TPCN2: variants seen among roughly 807,000 people sequenced by gnomAD.
The protein encoded by TPCN2 is two pore channel protein 2.
TPCN2 carries 92 observed loss-of-function variants against 111.4 expected under a neutral mutation model. The observed-to-expected ratio is 0.83, with a 90% CI of 0.70 to 0.98. The LOEUF is 0.98. TPCN2 is among the 50% of genes least tolerant of loss of function. The pLI is 0.00. For missense variants in TPCN2, 995 were observed against 980.1 expected (o/e 1.02, Z -0.20); for synonymous variants, 405 against 414.5 (o/e 0.98, Z 0.28).
intron 18 of TPCN2, among the ~76,000 whole-genome samples, chr11:69,082,935 T>A (rs35908618): frequency 7.3e-6 from 1 of 136,292 alleles, no homozygotes; most frequent in Non-Finnish European, 1.6e-5. Context: ...CCGTGTAAGA[T>A]GCATGATCGT....
chr11:69,060,445 C>T (rs935674662), intron 5 of TPCN2, among the ~76,000 whole-genome samples: 14 of 152,116 alleles, frequency 9.2e-5, no homozygotes, highest in African/African-American at 1.7e-4. Flanking sequence ...GCCTTGTGGC[C>T]GAGTGGGTTG....
intron 5 of TPCN2, among the ~76,000 whole-genome samples, chr11:69,060,474 G>T (rs185075632): frequency 6.6e-6 from 1 of 152,178 alleles, no homozygotes; most frequent in Admixed American, 6.5e-5. Flanking sequence ...GGAGGCTGCC[G>T]GTCACTGTTG....
At position 69,054,809 on chromosome 11, in the gene TPCN2, C is replaced by T; in HGVS notation, c.251+12C>T. ...AACGTATGCCAACGGTGAGAACGCA[C>T]CCATGTGGAACTCAGGGTTCCTGCC... On this transcript the variant is annotated intron_variant, in intron 3 of 24. Transcript: ENST00000294309. The T allele has an allele frequency of 6.2e-7, 1 of 1,612,766 alleles. No homozygotes were observed. The highest frequency in any genetic ancestry group is 1.1e-5 in the South Asian group (1 of 90,902).
At chr11:69,068,003 C>T (rs1343859971) in intron 8 of TPCN2, among the ~76,000 whole-genome samples, 2 of 152,164 alleles carry the variant, frequency 1.3e-5, no homozygotes, top group African/African-American at 4.8e-5. Flanking sequence ...TGGAGCTCCA[C>T]ACATCCACGC....
At chr11:69,087,780 C>A in intron 24 of TPCN2, 95 bp from the exon 25 acceptor site, 1 of 939,194 alleles carries the variant, frequency 1.1e-6, no homozygotes, top group Non-Finnish European at 1.6e-6. Flanking sequence ...ACTCACTTCG[C>A]ATGTGTTGCT....
intron 8 of TPCN2, among the ~76,000 whole-genome samples, chr11:69,069,061 T>TA (rs569545404): frequency 1.1e-5 from 1 of 90,736 alleles, no homozygotes; most frequent in African/African-American, 3.8e-5. Flanking sequence ...CAGGACTGTC[T>TA]GAGTCCTAGG....
At chr11:69,080,062 C>T (rs918314370) in intron 17 of TPCN2, among the ~76,000 whole-genome samples, 179 bp downstream of exon 17, 2 of 152,194 alleles carry the variant, frequency 1.3e-5, no homozygotes, top group African/African-American at 4.8e-5. Flanking sequence ...CAGGGCCCTG[C>T]CGTCGCTCTG....
intron 13 of TPCN2, among the ~76,000 whole-genome samples, chr11:69,078,122 C>G (rs1319196190): frequency 6.6e-6 from 1 of 151,354 alleles, no homozygotes; most frequent in South Asian, 2.1e-4. Context: ...GTTTCTGTAG[C>G]TATGAGTATA....
Position 69,072,632 on chromosome 11 carries a change from G to A in TPCN2, c.1067G>A (p.Gly356Glu), listed in dbSNP as rs1855586506. 6.2e-7 allele frequency: 1 copy of A among 1,613,806 alleles called. No individual in the cohort carries two copies. Among genetic ancestry groups the A allele is most frequent in the Admixed American group, 1.7e-5 (1 of 60,006 alleles). ...GEGGAFPQAVGVKPQNLLQVL... is the reference protein window; with the variant it reads ...GEGGAFPQAVEVKPQNLLQVL... ...CTGTGGGTTTTTCCCTGCAGAGTTG[G>A]GGTGAAGCCCCAGAACTTGCTGCAG... The change falls in exon 12 of 25, where the codon GGG (glycine) becomes GAG (glutamate). Residue 356 changes from glycine to glutamate, a missense_variant. Gly to Glu is a moderately conservative substitution (Grantham distance 98). Transcript: ENST00000294309.
At chr11:69,050,629 C>T (rs527421006) in intron 1 of TPCN2, among the ~76,000 whole-genome samples, 65 of 152,344 alleles carry the variant, frequency 4.3e-4, no homozygotes, top group African/African-American at 1.5e-3. Context: ...CTGCCTGCCT[C>T]GGCCTCCCAA....
chr11:69,055,088 T>C lies in TPCN2; in HGVS notation c.252-87T>C. The C allele has an allele frequency of 2.1e-6, 3 of 1,420,358 alleles. No individual in the cohort carries two copies. In the East Asian group the frequency reaches 6.9e-5, roughly 32 times the overall value. The allele number at this position is 1,420,358 out of a possible 1,614,324, so 88.0% of individuals were successfully genotyped here. A position where few individuals can be genotyped will look rare whatever the true frequency, so the allele number is the denominator to read the frequency against. ...CACGCTCAGGCAGCGCCAACTCCCGTGCTTCGGACTGGGGAAGCTCCTGAC... is the reference window on the plus strand; with the variant it reads ...CACGCTCAGGCAGCGCCAACTCCCGCGCTTCGGACTGGGGAAGCTCCTGAC... On this transcript the variant is annotated intron_variant, in intron 3 of 24. Transcript: ENST00000294309.
rs1236137057 is a variant in TPCN2, at chr11:69,085,912, A to G, written c.1985A>G (p.Tyr662Cys). ...VNNWQVFLDAYRRYSGPWSKI... is the reference protein window; with the variant it reads ...VNNWQVFLDACRRYSGPWSKI... ...AACTGGCAGGTGTTTCTGGATGCAT[A>G]TCGGCGCTACTCAGGCCCGTGAGTC... Residue 662 changes from tyrosine (Y) to cysteine (C), a missense_variant, in exon 22 of 25, where the codon TAT (tyrosine) becomes TGT (cysteine). Physicochemically the swap from Tyr to Cys is radical, Grantham distance 194 (BLOSUM62 -2). Transcript: ENST00000294309. 6.2e-7 allele frequency: 1 copy of G among 1,614,006 alleles called. No homozygotes were observed. The highest frequency in any genetic ancestry group is 8.5e-7 in the Non-Finnish European group (1 of 1,180,000).
rs779774813 is a variant in TPCN2, at chr11:69,063,958, T to C, written c.717T>C (p.Ala239=). 2.0e-5 allele frequency: 32 copies of C among 1,614,068 alleles called. No individual in the cohort carries two copies. The highest frequency in any genetic ancestry group is 2.7e-5 in the Non-Finnish European group (32 of 1,179,958). ...CCATGTTCGGAATGCTGCTGTTCGC[T>C]GGTGGGAAGGTAGGGCACCCGTGGT... is the stretch of plus-strand genomic sequence containing the variant. ...LFTMFGMLLF[A]GGKQDDGQDR... Residue 239 remains alanine (A), a synonymous_variant, in exon 7 of 25, where the codon GCT becomes GCC. Transcript: ENST00000294309.
intron 24 of TPCN2, 62 bp from the exon 25 acceptor site, chr11:69,087,813 T>G (rs1156934303): frequency 7.2e-7 from 1 of 1,391,632 alleles, no homozygotes; most frequent in Non-Finnish European, 1.0e-6. Flanking sequence ...CTTGTTCTTG[T>G]GGGCAGGCCA....
At chr11:69,052,560 A>G (rs11228460) in intron 1 of TPCN2, among the ~76,000 whole-genome samples, 11,233 of 152,004 alleles carry the variant, frequency 0.074, 1,430 homozygotes, top group African/African-American at 0.26. Context: ...ACAGGGAGGG[A>G]AGGCTCTTGC....
chr11:69,071,894 C>A (rs375698624), intron 10 of TPCN2, 29 bp from the exon 11 acceptor site: 2 of 1,603,446 alleles, frequency 1.2e-6, no homozygotes, highest in Non-Finnish European at 1.7e-6. Context: ...GAGGGCTGAT[C>A]CTGCCGTTCA....
intron 18 of TPCN2, 22 bp downstream of exon 18, chr11:69,081,521 A>C: frequency 6.7e-7 from 1 of 1,499,100 alleles, no homozygotes; most frequent in Non-Finnish European, 9.0e-7. Context: ...CCCCACCCCC[A>C]CTCGCCCCAC....
chr11:69,060,035 C>G (rs559738750), intron 5 of TPCN2, among the ~76,000 whole-genome samples: 49 of 152,364 alleles, frequency 3.2e-4, no homozygotes, highest in South Asian at 1.9e-3. Context: ...CCACGATGCC[C>G]ATGGTGGGCG....
chr11:69,068,782 A>G (rs1855382262), intron 8 of TPCN2, among the ~76,000 whole-genome samples: 1 of 96,646 alleles, frequency 1.0e-5, no homozygotes, highest in Non-Finnish European at 2.2e-5. Context: ...GGGGAGCAGG[A>G]CCGTCTGAGT....
Sources: gnomAD v4.1 joint callset for allele counts (sites outside exome capture counted in the v4.1 genomes callset) on GRCh38, gnomAD v4.1.1 for gene constraint, MANE v1.5 for transcripts, NCBI Gene and HGNC (gene_info 2026-07-23, HGNC 2026-07-21) for gene names.